The following NRG1 variants were observed in gnomAD, a reference collection of about 807,000 sequenced individuals.
The protein encoded by NRG1 is neuregulin 1, also known as pro-neuregulin-1, membrane-bound isoform.
Under a neutral mutation model 63.8 loss-of-function variants are expected in NRG1, and 18 were observed. The ratio of observed to expected loss-of-function variants is 0.28; its 90% CI spans 0.19 to 0.42. NRG1 has a LOEUF of 0.42. Ranked by LOEUF, NRG1 falls within the 10% of genes least tolerant of loss-of-function variation. NRG1 has a pLI of 1.00. For synonymous variants in NRG1, 302 were observed against 301.3 expected (o/e 1.00, Z -0.02); for missense variants, 762 against 814.7 (o/e 0.94, Z 0.79).
chr8:32,371,514 G>A (rs529093864), intron 1 of NRG1, among the ~76,000 whole-genome samples: 8 of 152,186 alleles, frequency 5.3e-5, no homozygotes, highest in African/African-American at 1.9e-4. Context: ...TTATAGCCAC[G>A]TTAAAAAAAC....
chr8:31,864,054 T>G (rs115556948), intron 1 of NRG1, among the ~76,000 whole-genome samples: 1,556 of 152,300 alleles, frequency 0.01, 24 homozygotes, highest in African/African-American at 0.034. Flanking sequence ...AACATGGAAA[T>G]AGAATGATTA....
intron 5 of NRG1, among the ~76,000 whole-genome samples, chr8:32,715,492 G>A (rs912717708): frequency 6.6e-6 from 1 of 152,146 alleles, no homozygotes; most frequent in Admixed American, 6.6e-5. Flanking sequence ...TTTCTATTCA[G>A]AGACAATGCC....
At chr8:32,480,522 G>A (rs1326100996) in intron 1 of NRG1, among the ~76,000 whole-genome samples, 1 of 151,834 alleles carries the variant, frequency 6.6e-6, no homozygotes, top group African/African-American at 2.4e-5. Flanking sequence ...GCAAGGTGAT[G>A]GAGATGTTAA....
chr8:31,653,631 T>C (rs995045349), intron 1 of NRG1, among the ~76,000 whole-genome samples: 1 of 152,224 alleles, frequency 6.6e-6, no homozygotes. Context: ...CTCATACCTG[T>C]GTGCAGAGCT....
rs934782595 is a variant in NRG1 at position 32,617,713 on chromosome 8, T to C, written c.502+828T>C. 3.9e-5 allele frequency among the ~76,000 whole-genome samples: 6 copies of C among 152,224 alleles called. No individual in the cohort carries two copies. In the East Asian group the frequency reaches 9.6e-4, roughly 24 times the overall value. On this transcript the variant is annotated intron_variant, in intron 5 of 11. Coordinates refer to ENST00000356819, the Ensembl canonical transcript of NRG1. ...TGATAAGCTCTTCAATAAATAGATG[T>C]TCCTAGTTATTCTATTTCGATCTGG... is the stretch of plus-strand genomic sequence containing the variant.
intron 1 of NRG1, among the ~76,000 whole-genome samples, chr8:31,949,042 CA>C (rs911616668): frequency 4.6e-5 from 7 of 151,880 alleles, no homozygotes; most frequent in African/African-American, 1.7e-4. Context: ...AAGGATGACA[CA>C]AAAAAACTAT....
chr8:32,432,886 G>C (rs1171794951), intron 1 of NRG1, among the ~76,000 whole-genome samples: 1 of 152,124 alleles, frequency 6.6e-6, no homozygotes, highest in Non-Finnish European at 1.5e-5. Context: ...TGGAGCAAAA[G>C]CTTTTAAATG....
chr8:31,758,011 A>G (rs554380387), intron 1 of NRG1, among the ~76,000 whole-genome samples: 8 of 152,110 alleles, frequency 5.3e-5, no homozygotes, highest in Non-Finnish European at 1.0e-4. Context: ...CTCGAACTTC[A>G]TATAAATGGA....
At chr8:31,944,270 A>T (rs1306212237) in intron 1 of NRG1, among the ~76,000 whole-genome samples, 1 of 152,204 alleles carries the variant, frequency 6.6e-6, no homozygotes, top group Non-Finnish European at 1.5e-5. Context: ...AACTACAGTG[A>T]TATTGAGTGT....
chr8:32,022,898 G>C (rs897075802), intron 1 of NRG1, among the ~76,000 whole-genome samples: 4 of 152,144 alleles, frequency 2.6e-5, no homozygotes, highest in African/African-American at 9.7e-5. Context: ...ACAATAAGGA[G>C]ATTTAACAGA....
At chr8:32,145,581 C>T (rs1323802096) in intron 1 of NRG1, among the ~76,000 whole-genome samples, 2 of 152,302 alleles carry the variant, frequency 1.3e-5, no homozygotes, top group African/African-American at 2.4e-5. Context: ...TAGTGCTCTA[C>T]TTATGAGGAA....
At chr8:31,774,889 A>G (rs1412008907) in intron 1 of NRG1, among the ~76,000 whole-genome samples, 3 of 152,232 alleles carry the variant, frequency 2.0e-5, no homozygotes, top group Non-Finnish European at 4.4e-5. Flanking sequence ...ATACCATTTT[A>G]TACCAGTCAG....
chr8:31,754,533 G>A (rs1349059610), intron 1 of NRG1, among the ~76,000 whole-genome samples: 2 of 152,050 alleles, frequency 1.3e-5, no homozygotes, highest in Non-Finnish European at 2.9e-5. Context: ...AGAACCATGA[G>A]TCAATTAAAT....
intron 1 of NRG1, among the ~76,000 whole-genome samples, chr8:32,082,697 A>T (rs1427397857): frequency 6.6e-6 from 1 of 152,118 alleles, no homozygotes; most frequent in Non-Finnish European, 1.5e-5. Context: ...CATGCATTTG[A>T]ACTCCTACTT....
chr8:32,129,151 G>A (rs1834477155), intron 1 of NRG1, among the ~76,000 whole-genome samples: 1 of 151,942 alleles, frequency 6.6e-6, no homozygotes, highest in Non-Finnish European at 1.5e-5. Flanking sequence ...CTGGCAGCTA[G>A]CACAATCTCA....
At chr8:32,271,872 G>A (rs771157308) in intron 1 of NRG1, among the ~76,000 whole-genome samples, 1 of 152,094 alleles carries the variant, frequency 6.6e-6, no homozygotes, top group Non-Finnish European at 1.5e-5. Flanking sequence ...CTTCAATACA[G>A]GATCTGTGCA....
At chr8:32,307,604 TG>T (rs1856355760) in intron 1 of NRG1, among the ~76,000 whole-genome samples, 1 of 151,634 alleles carries the variant, frequency 6.6e-6, no homozygotes, top group East Asian at 1.9e-4. Context: ...TGTGTGTGTG[TG>T]TGTGTGTGTG....
chr8:32,024,619 A>G (rs1358018504), intron 1 of NRG1, among the ~76,000 whole-genome samples: 1 of 152,252 alleles, frequency 6.6e-6, no homozygotes, highest in East Asian at 1.9e-4. Context: ...CACCATAGTA[A>G]ATTGGCATCT....
At chr8:32,391,037 T>G (rs905961393) in intron 1 of NRG1, among the ~76,000 whole-genome samples, 1 of 152,200 alleles carries the variant, frequency 6.6e-6, no homozygotes, top group Non-Finnish European at 1.5e-5. Flanking sequence ...ACACACAACT[T>G]ATTTTATTTT....
Sources: gnomAD v4.1 joint callset for allele counts (sites outside exome capture counted in the v4.1 genomes callset) on GRCh38, gnomAD v4.1.1 for gene constraint, MANE v1.5 for transcripts, NCBI Gene and HGNC (gene_info 2026-07-23, HGNC 2026-07-21) for gene names.